The following PARD3 variants were observed in gnomAD, a reference collection of about 807,000 sequenced individuals.
PARD3 encodes the protein partitioning defective 3 homolog.
In PARD3, 75 loss-of-function variants were observed where a neutral mutation model predicts 155.4. The observed-to-expected ratio is 0.48, with a 90% CI of 0.40 to 0.58. PARD3 has a LOEUF of 0.58. PARD3 is among the 20% of genes least tolerant of loss of function. The probability of loss-of-function intolerance (pLI) is 0.00; values close to 1 mark genes in which losing one functional copy is unlikely to be tolerated. For missense variants in PARD3, 1,642 were observed against 1,721.7 expected, an observed-to-expected ratio of 0.95 and a Z score of 0.82; for synonymous variants, 576 against 610.5, an observed-to-expected ratio of 0.94 and a Z score of 0.83.
At chr10:34,344,326 A>G (rs1476527595) in intron 15 of PARD3, 2 of 929,202 alleles carry the variant, frequency 2.2e-6, no homozygotes, top group African/African-American at 2.0e-5. Context: ...TCTGTTGCCC[A>G]GGCTGGAGTG....
At chr10:34,371,160 G>A (rs1372665925) in intron 12 of PARD3, among the ~76,000 whole-genome samples, 1 of 151,890 alleles carries the variant, frequency 6.6e-6, no homozygotes, top group African/African-American at 2.4e-5. Flanking sequence ...TCAAAGAGTA[G>A]TATAAATTGC....
chr10:34,383,414 TAGA>T (rs1842051779), intron 8 of PARD3, among the ~76,000 whole-genome samples: 1 of 104,660 alleles, frequency 9.6e-6, no homozygotes, highest in Non-Finnish European at 1.9e-5. Flanking sequence ...CACACACACT[TAGA>T]AGACTATAGA....
intron 3 of PARD3, among the ~76,000 whole-genome samples, chr10:34,483,743 A>C (rs1163933557): frequency 1.3e-5 from 2 of 152,208 alleles, no homozygotes; most frequent in Admixed American, 6.5e-5. Context: ...AGTTTTGCAC[A>C]ATAGTTATGT....
chr10:34,792,577 C>A (rs532072415), intron 1 of PARD3, among the ~76,000 whole-genome samples: 2 of 152,310 alleles, frequency 1.3e-5, no homozygotes, highest in South Asian at 2.1e-4. Context: ...GTCGTGACTG[C>A]CCTGCAGTTC....
At chr10:34,414,473 T>G (rs1845453670) in intron 5 of PARD3, among the ~76,000 whole-genome samples, 1 of 151,988 alleles carries the variant, frequency 6.6e-6, no homozygotes. Context: ...AATCACATCC[T>G]CGGGTCAAAA....
intron 1 of PARD3, among the ~76,000 whole-genome samples, chr10:34,735,645 A>C (rs1165946602): frequency 6.6e-6 from 1 of 152,218 alleles, no homozygotes; most frequent in Admixed American, 6.5e-5. Context: ...CTTTCCCGTA[A>C]GAAAATAAAG....
At chr10:34,286,171 A>C (rs1271042800) in intron 20 of PARD3, among the ~76,000 whole-genome samples, 1 of 152,250 alleles carries the variant, frequency 6.6e-6, no homozygotes, top group African/African-American at 2.4e-5. Context: ...AAATGAAAAA[A>C]TATTAAAAAC....
At chr10:34,407,138 G>A (rs541327029) in intron 5 of PARD3, among the ~76,000 whole-genome samples, 2 of 152,300 alleles carry the variant, frequency 1.3e-5, no homozygotes, top group South Asian at 4.2e-4. Context: ...GGCACAGAGA[G>A]GCTGTTCATT....
chr10:34,598,951 C>T (rs1307928515), intron 2 of PARD3, among the ~76,000 whole-genome samples: 2 of 152,104 alleles, frequency 1.3e-5, no homozygotes, highest in African/African-American at 4.8e-5. Context: ...ACTGCACACA[C>T]AGAACCCTGC....
At chr10:34,725,316 C>T (rs573291077) in intron 1 of PARD3, among the ~76,000 whole-genome samples, 5 of 152,154 alleles carry the variant, frequency 3.3e-5, no homozygotes, top group African/African-American at 1.2e-4. Context: ...CTACGCCTGG[C>T]TAATTTTTGT....
chr10:34,543,746 C>T (rs1261369476), intron 2 of PARD3, among the ~76,000 whole-genome samples: 1 of 152,166 alleles, frequency 6.6e-6, no homozygotes, highest in Non-Finnish European at 1.5e-5. Flanking sequence ...GGTATGTGCA[C>T]TGTCACTAAT....
At chr10:34,563,948 TAAC>T (rs1375950470) in intron 2 of PARD3, among the ~76,000 whole-genome samples, 3 of 152,214 alleles carry the variant, frequency 2.0e-5, no homozygotes, top group African/African-American at 7.2e-5. Context: ...TTTTCAAAAA[TAAC>T]TAAGGTAAAT....
At chr10:34,563,555 G>C (rs1361282521) in intron 2 of PARD3, among the ~76,000 whole-genome samples, 1 of 149,928 alleles carries the variant, frequency 6.7e-6, no homozygotes, top group East Asian at 2.0e-4. Context: ...TTTTGAGATG[G>C]AGTCTTGCTA....
chr10:34,552,714 C>CAA (rs10709334), intron 2 of PARD3, among the ~76,000 whole-genome samples: 1 of 140,680 alleles, frequency 7.1e-6, no homozygotes, highest in Non-Finnish European at 1.6e-5. Flanking sequence ...AACTCCATCT[C>CAA]AAAAAAAAAA....
intron 1 of PARD3, among the ~76,000 whole-genome samples, chr10:34,775,916 CTT>C (rs946809078): frequency 2.6e-5 from 4 of 152,056 alleles, no homozygotes; most frequent in Admixed American, 1.3e-4. Context: ...CAATTAATAA[CTT>C]TGTTCATTTT....
intron 1 of PARD3, among the ~76,000 whole-genome samples, chr10:34,741,745 A>G (rs2095022884): frequency 6.6e-6 from 1 of 152,158 alleles, no homozygotes. Context: ...CTCATTGTGT[A>G]TGGATTCAGT....
chr10:34,333,276 C>G (rs1835809885), intron 18 of PARD3, among the ~76,000 whole-genome samples: 1 of 152,064 alleles, frequency 6.6e-6, no homozygotes, highest in South Asian at 2.1e-4. Context: ...ACTTAGTGTA[C>G]TGACAGCAAT....
chr10:34,643,377 A>G (rs2092740009), intron 2 of PARD3, among the ~76,000 whole-genome samples: 1 of 152,254 alleles, frequency 6.6e-6, no homozygotes, highest in Admixed American at 6.5e-5. Context: ...GCCATAGCAC[A>G]TGAACAGAAC....
intron 2 of PARD3, among the ~76,000 whole-genome samples, chr10:34,655,513 C>T (rs1379687404): frequency 6.6e-6 from 1 of 152,086 alleles, no homozygotes; most frequent in Admixed American, 6.6e-5. Context: ...CATAAATTAC[C>T]AGCACACGAT....
Sources: allele counts gnomAD v4.1 joint callset (sites outside exome capture counted in the v4.1 genomes callset), GRCh38; gene constraint gnomAD v4.1.1; transcripts MANE v1.5; gene names NCBI Gene and HGNC (gene_info 2026-07-23, HGNC 2026-07-21).